The following ADAMTS6 variants were observed in gnomAD, a reference collection of about 807,000 sequenced individuals.
The protein encoded by ADAMTS6 is ADAM metallopeptidase with thrombospondin type 1 motif 6, also known as A disintegrin and metalloproteinase with thrombospondin motifs 6.
A neutral mutation model predicts 144.3 loss-of-function variants in ADAMTS6; 23 were observed. That is an observed-to-expected ratio of 0.16 (90% CI 0.11 to 0.23). ADAMTS6 has a LOEUF of 0.23. Ranked by LOEUF, ADAMTS6 falls within the 10% of genes least tolerant of loss-of-function variation. The pLI is 1.00. For synonymous variants in ADAMTS6, 444 were observed against 457.5 expected, an observed-to-expected ratio of 0.97 and a Z score of 0.38; for missense variants, 999 against 1,379.6, an observed-to-expected ratio of 0.72 and a Z score of 4.37.
intron 15 of ADAMTS6, among the ~76,000 whole-genome samples, chr5:65,230,718 T>TATGTATGAAATATATATATAACAC (rs1433066555): frequency 1.2e-4 from 12 of 97,364 alleles, no homozygotes; most frequent in African/African-American, 4.7e-4. Context: ...ATATAACACA[T>TATGTATGAAATATATATATAACAC]ATGTATGAAA....
chr5:65,315,911 AT>A (rs59699131), intron 9 of ADAMTS6, among the ~76,000 whole-genome samples: 41,453 of 150,836 alleles, frequency 0.27, 6,513 homozygotes, highest in South Asian at 0.39. Flanking sequence ...AGTTAGAAAC[AT>A]TTTTTTTTTC....
At chr5:65,397,299 G>A (rs562810683) in intron 7 of ADAMTS6, among the ~76,000 whole-genome samples, 1 of 151,408 alleles carries the variant, frequency 6.6e-6, no homozygotes, top group Non-Finnish European at 1.5e-5. Context: ...TTGACTTCCT[G>A]TTTTCAAATT....
chr5:65,372,368 C>T (rs1463080468), intron 7 of ADAMTS6, among the ~76,000 whole-genome samples: 77 of 151,988 alleles, frequency 5.1e-4, no homozygotes, highest in African/African-American at 6.8e-4. Context: ...ACCCATCTCA[C>T]GTGCAGAGGC....
At chr5:65,193,400 G>C (rs1327068313) in intron 21 of ADAMTS6, among the ~76,000 whole-genome samples, 1 of 151,874 alleles carries the variant, frequency 6.6e-6, no homozygotes, top group Non-Finnish European at 1.5e-5. Flanking sequence ...TTGATAAGTA[G>C]TTCAATAGGA....
At chr5:65,153,054 G>A (rs1752219289) in intron 24 of ADAMTS6, among the ~76,000 whole-genome samples, 1 of 152,104 alleles carries the variant, frequency 6.6e-6, no homozygotes, top group Admixed American at 6.5e-5. Flanking sequence ...ACCCACTGAA[G>A]TTCTAAGAGA....
intron 9 of ADAMTS6, among the ~76,000 whole-genome samples, chr5:65,326,283 G>A (rs929283709): frequency 4.6e-5 from 7 of 151,968 alleles, no homozygotes; most frequent in Non-Finnish European, 1.0e-4. Context: ...ATCTTTCAAA[G>A]AACATTCTTT....
chr5:65,188,841 A>G (rs974216167), intron 21 of ADAMTS6, among the ~76,000 whole-genome samples: 5 of 152,222 alleles, frequency 3.3e-5, no homozygotes, highest in African/African-American at 1.2e-4. Flanking sequence ...TTATTATCAC[A>G]TTGAGGCAGG....
At chr5:65,256,036 T>C (rs1760627315) in intron 14 of ADAMTS6, among the ~76,000 whole-genome samples, 1 of 152,162 alleles carries the variant, frequency 6.6e-6, no homozygotes, top group African/African-American at 2.4e-5. Context: ...GAGCTAACAG[T>C]GATTTGTTTT....
intron 7 of ADAMTS6, among the ~76,000 whole-genome samples, chr5:65,352,405 A>G (rs533070534): frequency 1.7e-4 from 26 of 152,294 alleles, no homozygotes; most frequent in Non-Finnish European, 2.8e-4. Context: ...TCCAGAAGTA[A>G]TGGTTTAAAA....
chr5:65,383,961 G>A (rs1250705455), intron 7 of ADAMTS6, among the ~76,000 whole-genome samples: 1 of 152,154 alleles, frequency 6.6e-6, no homozygotes, highest in African/African-American at 2.4e-5. Flanking sequence ...TTTTGGAAAG[G>A]CAGCCCGAGG....
At chr5:65,425,853 T>G (rs938386631) in intron 7 of ADAMTS6, among the ~76,000 whole-genome samples, 4 of 151,408 alleles carry the variant, frequency 2.6e-5, no homozygotes, top group African/African-American at 7.3e-5. Flanking sequence ...AAGCTCCGCC[T>G]CCTGGGTTCA....
chr5:65,251,338 G>A (rs16893578), intron 14 of ADAMTS6: 11,198 of 152,370 alleles, frequency 0.073, 463 homozygotes, highest in East Asian at 0.1. Flanking sequence ...CAAGCATTAT[G>A]AGTTCCATAA....
intron 14 of ADAMTS6, among the ~76,000 whole-genome samples, chr5:65,247,612 T>G (rs1423351253): frequency 1.3e-5 from 2 of 152,196 alleles, no homozygotes; most frequent in Non-Finnish European, 2.9e-5. Context: ...GATGTATCAT[T>G]TCTTATTGGT....
chr5:65,459,352 G>A (rs576190090), intron 4 of ADAMTS6, among the ~76,000 whole-genome samples: 118 of 152,156 alleles, frequency 7.8e-4, no homozygotes, highest in Middle Eastern at 3.4e-3. Context: ...AGTGCACGTA[G>A]GATAAACAAA....
chr5:65,184,780 C>T (rs1376719471), intron 22 of ADAMTS6, among the ~76,000 whole-genome samples: 4 of 151,888 alleles, frequency 2.6e-5, no homozygotes, highest in African/African-American at 9.7e-5. Flanking sequence ...GCTGATGAGC[C>T]ATTTTCCGCC....
At position 65,231,090 on chromosome 5, in the gene ADAMTS6, T is replaced by C. The variant is rs540755320; in HGVS notation, c.1934-4871A>G. Among the ~76,000 whole-genome samples, 33 of 151,234 alleles carry C rather than the reference T, an allele frequency of 2.2e-4. 1 individual carries two copies. Among genetic ancestry groups the C allele is most frequent in the African/African-American group, 7.7e-4 (32 of 41,392 alleles). On this transcript the variant is annotated intron_variant, in intron 15 of 24. Transcript: ENST00000381055. The stretch of plus-strand genomic sequence containing the variant: ...TTAAATTCTACAATGAAAAACAAAA[T>C]GAATTTTTTTTAAAAAAAAACAAGA...
chr5:65,194,354 G>T (rs550040824), intron 21 of ADAMTS6, among the ~76,000 whole-genome samples: 4 of 152,178 alleles, frequency 2.6e-5, no homozygotes, highest in Non-Finnish European at 4.4e-5. Flanking sequence ...GCAATCTGCA[G>T]CTCCCAGTCA....
At chr5:65,387,369 T>A (rs1405457766) in intron 7 of ADAMTS6, among the ~76,000 whole-genome samples, 1 of 152,218 alleles carries the variant, frequency 6.6e-6, no homozygotes, top group East Asian at 1.9e-4. Flanking sequence ...AGCTAAGTGA[T>A]TAATATCACA....
At chr5:65,427,900 T>TA (rs1277917088) in intron 7 of ADAMTS6, among the ~76,000 whole-genome samples, 3 of 151,714 alleles carry the variant, frequency 2.0e-5, no homozygotes, top group Non-Finnish European at 2.9e-5. Flanking sequence ...GTTTGGAAAG[T>TA]AAAAAAACAT....
Sources: allele counts gnomAD v4.1 joint callset (sites outside exome capture counted in the v4.1 genomes callset), GRCh38; gene constraint gnomAD v4.1.1; transcripts MANE v1.5; gene names NCBI Gene and HGNC (gene_info 2026-07-23, HGNC 2026-07-21).